The following LUZP2 variants were observed in gnomAD, a reference collection of about 807,000 sequenced individuals.
LUZP2 encodes the protein leucine zipper protein 2.
Under a neutral mutation model 51.6 loss-of-function variants are expected in LUZP2, and 52 were observed. That is an observed-to-expected ratio of 1.01 (90% CI 0.81 to 1.27). LUZP2 has a LOEUF of 1.27. Ranked by LOEUF, LUZP2 falls within the 50% of genes most tolerant of loss-of-function variation. The pLI, the probability that LUZP2 is intolerant of heterozygous loss-of-function variation, is 0.00. For missense variants in LUZP2, 436 were observed against 395.4 expected (o/e 1.10, Z -0.87); for synonymous variants, 154 against 137.3 (o/e 1.12, Z -0.85).
At position 25,041,439 on chromosome 11, in the gene LUZP2, T is replaced by G. The variant is rs534479683; in HGVS notation, c.766-8599T>G. ...CTCAGGTAAATGAAATCATAGAAAGTGAAACCATATATAAGGGGTATTACT... is the reference window on the plus strand; with the variant it reads ...CTCAGGTAAATGAAATCATAGAAAGGGAAACCATATATAAGGGGTATTACT... On this transcript the variant is annotated intron_variant, in intron 9 of 11. Transcript: ENST00000336930. 1.7e-3 allele frequency among the ~76,000 whole-genome samples: 263 copies of G among 152,234 alleles called. 10 individuals are homozygous for G. In the South Asian group the frequency reaches 0.054, roughly 31 times the overall value.
At chr11:24,671,325 A>C (rs1856396027) in intron 1 of LUZP2, among the ~76,000 whole-genome samples, 1 of 151,894 alleles carries the variant, frequency 6.6e-6, no homozygotes, top group Non-Finnish European at 1.5e-5. Context: ...TTGAACTGAA[A>C]ATATTCCCCT....
intron 1 of LUZP2, among the ~76,000 whole-genome samples, chr11:24,635,826 C>T (rs1263965207): frequency 6.6e-6 from 1 of 151,968 alleles, no homozygotes; most frequent in African/African-American, 2.4e-5. Context: ...CTTAAGAGGC[C>T]CCACAGCAAT....
At chr11:24,833,222 T>C (rs1025817531) in intron 5 of LUZP2, among the ~76,000 whole-genome samples, 2 of 152,218 alleles carry the variant, frequency 1.3e-5, no homozygotes, top group Admixed American at 6.6e-5. Flanking sequence ...TGGTAATAAC[T>C]GAACTCTGCT....
chr11:24,522,787 A>T (rs1364912512), intron 1 of LUZP2, among the ~76,000 whole-genome samples: 1 of 152,122 alleles, frequency 6.6e-6, no homozygotes, highest in Non-Finnish European at 1.5e-5. Context: ...TGATACTCAG[A>T]ATGACTATGA....
chr11:24,881,496 C>T (rs1167990463), intron 5 of LUZP2, among the ~76,000 whole-genome samples: 2 of 151,614 alleles, frequency 1.3e-5, no homozygotes, highest in Non-Finnish European at 2.9e-5. Context: ...AGTTAAGGCT[C>T]GTGACTTTGT....
At chr11:24,750,586 C>G (rs958471745) in intron 4 of LUZP2, among the ~76,000 whole-genome samples, 2 of 152,052 alleles carry the variant, frequency 1.3e-5, no homozygotes, top group Non-Finnish European at 2.9e-5. Context: ...AATATGAAGA[C>G]AAAATATTAA....
chr11:24,624,593 T>C (rs1167707567), intron 1 of LUZP2, among the ~76,000 whole-genome samples: 1 of 152,144 alleles, frequency 6.6e-6, no homozygotes, highest in African/African-American at 2.4e-5. Flanking sequence ...CTCTTGGTAA[T>C]GGCGAGAGGT....
intron 1 of LUZP2, among the ~76,000 whole-genome samples, chr11:24,589,800 A>C (rs892249487): frequency 6.6e-6 from 1 of 151,984 alleles, no homozygotes; most frequent in Non-Finnish European, 1.5e-5. Context: ...TTTTTCTTCA[A>C]TTTGGCTTAT....
chr11:24,728,225 A>G (rs1351738883), intron 1 of LUZP2, among the ~76,000 whole-genome samples: 1 of 151,962 alleles, frequency 6.6e-6, no homozygotes, highest in Non-Finnish European at 1.5e-5. Context: ...GCTGTGTCCA[A>G]AAATTGCCTA....
intron 7 of LUZP2, among the ~76,000 whole-genome samples, chr11:24,922,209 G>T (rs1223878068): frequency 6.6e-6 from 1 of 152,108 alleles, no homozygotes; most frequent in African/African-American, 2.4e-5. Flanking sequence ...TGTGGTGATA[G>T]ACTAGATGCA....
chr11:24,966,140 A>T (rs916444515), intron 7 of LUZP2, among the ~76,000 whole-genome samples: 8 of 151,926 alleles, frequency 5.3e-5, no homozygotes, highest in Non-Finnish European at 1.0e-4. Flanking sequence ...TATTTTGAAT[A>T]TAACCATTTT....
rs558189918 is a variant in LUZP2 at position 24,851,392 on chromosome 11, T to G, written c.397-54599T>G. On this transcript the variant is annotated intron_variant, in intron 5 of 11. Transcript: ENST00000336930. Reference sequence around the variant, plus strand: ...GTTTCTGTCATTGGTTCTGTTTATGTGATGGATTACGTTTATTGATTTGTG... The same window carrying G: ...GTTTCTGTCATTGGTTCTGTTTATGGGATGGATTACGTTTATTGATTTGTG... Among the ~76,000 whole-genome samples the G allele has an allele frequency of 3.9e-4, 60 of 152,316 alleles. 1 individual carries two copies. The South Asian group carries it at 0.012, about 32-fold the overall frequency.
At chr11:24,518,831 C>T (rs112242864) in intron 1 of LUZP2, among the ~76,000 whole-genome samples, 250 of 152,260 alleles carry the variant, frequency 1.6e-3, no homozygotes, top group Non-Finnish European at 2.9e-3. Context: ...AGAGAGGGTT[C>T]GGCTTTTATA....
Position 24,713,742 on chromosome 11 carries a change from G to T in LUZP2, c.63-15427G>T, listed in dbSNP as rs369684928. 1.9e-4 allele frequency among the ~76,000 whole-genome samples: 26 copies of T among 139,622 alleles called. 1 individual carries two copies. The East Asian group carries it at 4.5e-3, about 24-fold the overall frequency. The allele number at this position is 139,622 out of a possible 152,430, so 91.6% of individuals were successfully genotyped here. On this transcript the variant is annotated intron_variant, in intron 1 of 11. Transcript: ENST00000336930. ...CTTGCTCTATCACCCAGGTTGGAGT[G>T]CAGTAGCATGATCTCTGCCTACTGG... is the stretch of plus-strand genomic sequence containing the variant.
chr11:24,580,434 G>A (rs1370441546), intron 1 of LUZP2, among the ~76,000 whole-genome samples: 2 of 152,052 alleles, frequency 1.3e-5, no homozygotes, highest in Non-Finnish European at 2.9e-5. Context: ...GTTTACCTGT[G>A]ATAAATGCAC....
intron 8 of LUZP2, among the ~76,000 whole-genome samples, chr11:24,982,155 T>C (rs549891496): frequency 6.6e-6 from 1 of 152,014 alleles, no homozygotes; most frequent in East Asian, 1.9e-4. Context: ...CTTATGTAGT[T>C]AGTGGGAGTG....
intron 1 of LUZP2, among the ~76,000 whole-genome samples, chr11:24,513,571 G>A (rs1850376650): frequency 6.6e-6 from 1 of 152,090 alleles, no homozygotes; most frequent in South Asian, 2.1e-4. Context: ...TATTCTTTTT[G>A]AATATTCTTA....
At chr11:24,852,616 T>G (rs1232834317) in intron 5 of LUZP2, among the ~76,000 whole-genome samples, 1 of 152,170 alleles carries the variant, frequency 6.6e-6, no homozygotes, top group Non-Finnish European at 1.5e-5. Context: ...GATTATCTAT[T>G]AGGTCTTCTT....
chr11:24,882,940 G>GAA (rs1852529033), intron 5 of LUZP2, among the ~76,000 whole-genome samples: 2 of 144,310 alleles, frequency 1.4e-5, no homozygotes, highest in African/African-American at 5.1e-5. Context: ...AAGAAAGAAA[G>GAA]AGAAAGAAAG....
Sources: allele counts gnomAD v4.1 joint callset (sites outside exome capture counted in the v4.1 genomes callset), GRCh38; gene constraint gnomAD v4.1.1; transcripts MANE v1.5; gene names NCBI Gene and HGNC (gene_info 2026-07-23, HGNC 2026-07-21).